Variants in PARVA observed in about 807,000 individuals in gnomAD.
The protein encoded by PARVA is alpha-parvin.
PARVA carries 25 observed loss-of-function variants against 52.6 expected under a neutral mutation model. The observed-to-expected ratio is 0.48, with a 90% CI of 0.35 to 0.66. The LOEUF (loss-of-function observed/expected upper bound fraction) is 0.66. PARVA is among the 30% of genes least tolerant of loss of function. The pLI is 0.01. For synonymous variants in PARVA, 185 were observed against 179.1 expected, an observed-to-expected ratio of 1.03 and a Z score of -0.26; for missense variants, 373 against 450.9, an observed-to-expected ratio of 0.83 and a Z score of 1.56.
At chr11:12,499,355 G>C (rs767298030) in intron 5 of PARVA, among the ~76,000 whole-genome samples, 1 of 151,952 alleles carries the variant, frequency 6.6e-6, no homozygotes. Flanking sequence ...ACACTGTGGC[G>C]CCTCTCCGCT....
chr11:12,389,681 T>C (rs960868563), intron 1 of PARVA, among the ~76,000 whole-genome samples: 2 of 152,204 alleles, frequency 1.3e-5, no homozygotes, highest in African/African-American at 4.8e-5. Flanking sequence ...TTTGGGAACC[T>C]GAGTTTCAGC....
chr11:12,440,302 G>C (rs1444654254), intron 1 of PARVA, among the ~76,000 whole-genome samples: 1 of 152,172 alleles, frequency 6.6e-6, no homozygotes, highest in African/African-American at 2.4e-5. Flanking sequence ...TGTCATCACA[G>C]ATAAGTGTAG....
At chr11:12,485,404 T>C (rs560085957) in intron 4 of PARVA, among the ~76,000 whole-genome samples, 1 of 152,072 alleles carries the variant, frequency 6.6e-6, no homozygotes, top group Admixed American at 6.6e-5. Context: ...AATGGCTAAT[T>C]TTAGACCTGG....
At position 12,532,112 on chromosome 11, in the gene PARVA, C is replaced by T. The variant is rs762377699; in HGVS notation, c.*4187C>T. 2.6e-5 allele frequency among the ~76,000 whole-genome samples: 4 copies of T among 152,154 alleles called. No individual in the cohort carries two copies. The highest frequency in any genetic ancestry group is 2.1e-4 in the South Asian group (1 of 4,832). ...ATGTGAACGTGTGCATGCGTGTTCA[C>T]GTGTTCATGACAACAGCAATGCAGC... is the stretch of plus-strand genomic sequence containing the variant. On this transcript the variant is annotated 3_prime_UTR_variant, in exon 13 of 13. Transcript: ENST00000334956.
intron 12 of PARVA, among the ~76,000 whole-genome samples, chr11:12,519,676 C>A (rs1564869862): frequency 6.6e-6 from 1 of 152,158 alleles, no homozygotes; most frequent in Non-Finnish European, 1.5e-5. Context: ...AGAATGACAG[C>A]ATGAGCAAAA....
intron 1 of PARVA, among the ~76,000 whole-genome samples, chr11:12,453,825 G>T (rs928674386): frequency 6.6e-6 from 1 of 152,094 alleles, no homozygotes; most frequent in South Asian, 2.1e-4. Context: ...GGAATAAAAA[G>T]GGTGGCTCTA....
At chr11:12,415,928 C>G (rs1310786055) in intron 1 of PARVA, among the ~76,000 whole-genome samples, 2 of 152,194 alleles carry the variant, frequency 1.3e-5, no homozygotes, top group Non-Finnish European at 2.9e-5. Flanking sequence ...GGTGAAAAGG[C>G]GTAGCGCCTT....
At chr11:12,390,469 C>T in intron 1 of PARVA, among the ~76,000 whole-genome samples, 1 of 152,194 alleles carries the variant, frequency 6.6e-6, no homozygotes, top group East Asian at 1.9e-4. Flanking sequence ...ATCAAGGAGA[C>T]TCCTCAGAGT....
At chr11:12,377,895 T>A in intron 1 of PARVA, 112 bp downstream of exon 1, 1 of 575,628 alleles carries the variant, frequency 1.7e-6, no homozygotes, top group Non-Finnish European at 2.4e-6. Context: ...CCCGGCGCGG[T>A]GGGGCGCGCG....
At chr11:12,376,812 T>C (rs1189829065), upstream of PARVA, 1 of 689,148 alleles carries the variant, frequency 1.5e-6, no homozygotes, top group Non-Finnish European at 1.8e-6. Context: ...GACTCCCCTG[T>C]TATCTCAAAT....
intron 1 of PARVA, among the ~76,000 whole-genome samples, chr11:12,378,014 C>T (rs1361964606): frequency 6.7e-6 from 1 of 148,908 alleles, no homozygotes; most frequent in Non-Finnish European, 1.5e-5. Flanking sequence ...TCGCGGTCGC[C>T]CGGGCGCTGC....
At chr11:12,474,826 T>G (rs111916277) in intron 3 of PARVA, among the ~76,000 whole-genome samples, 1 of 150,278 alleles carries the variant, frequency 6.7e-6, no homozygotes, top group South Asian at 2.1e-4. Context: ...AGTAGCCAAG[T>G]GTGGTGGCGC....
At chr11:12,518,059 C>T (rs1157299130) in intron 11 of PARVA, among the ~76,000 whole-genome samples, 1 of 152,188 alleles carries the variant, frequency 6.6e-6, no homozygotes, top group African/African-American at 2.4e-5. Flanking sequence ...GTTCTGATGG[C>T]CTCTCGTAGG....
At chr11:12,504,647 T>C (rs1490782170) in intron 6 of PARVA, among the ~76,000 whole-genome samples, 1 of 152,076 alleles carries the variant, frequency 6.6e-6, no homozygotes, top group Non-Finnish European at 1.5e-5. Context: ...TGTGTATAGA[T>C]AGCTTTGTGT....
intron 1 of PARVA, among the ~76,000 whole-genome samples, chr11:12,410,794 T>G (rs932432084): frequency 1.7e-4 from 26 of 152,182 alleles, no homozygotes; most frequent in Admixed American, 1.6e-3. Flanking sequence ...AAGAAAGAAA[T>G]AAATGAAAGT....
At chr11:12,492,639 T>C (rs1941247376) in intron 4 of PARVA, among the ~76,000 whole-genome samples, 1 of 152,166 alleles carries the variant, frequency 6.6e-6, no homozygotes, top group Non-Finnish European at 1.5e-5. Flanking sequence ...TTATTTAAAA[T>C]GTTAGAAAAT....
chr11:12,464,296 T>C (rs570095284), intron 1 of PARVA, among the ~76,000 whole-genome samples: 1 of 152,362 alleles, frequency 6.6e-6, no homozygotes, highest in South Asian at 2.1e-4. Context: ...TACTGATGTC[T>C]CTAACTCCAA....
Position 12,427,259 on chromosome 11 carries a change from G to A in PARVA, c.137-46486G>A, listed in dbSNP as rs933868019. 9.2e-5 allele frequency among the ~76,000 whole-genome samples: 14 copies of A among 152,162 alleles called. 1 individual carries two copies. Among genetic ancestry groups the A allele is most frequent in the African/African-American group, 2.9e-4 (12 of 41,432 alleles). On this transcript the variant is annotated intron_variant, in intron 1 of 12. Transcript: ENST00000334956. Reference sequence around the variant, plus strand: ...CTAACCCAGCTGAAACAGATACTTAGATAGCATGAGATAATGAAATTGGTC... The same window carrying A: ...CTAACCCAGCTGAAACAGATACTTAAATAGCATGAGATAATGAAATTGGTC...
chr11:12,484,949 G>A (rs1321419087), intron 4 of PARVA, among the ~76,000 whole-genome samples: 2 of 152,000 alleles, frequency 1.3e-5, no homozygotes, highest in East Asian at 3.9e-4. Flanking sequence ...AGGTAGCTGG[G>A]ATCACAGGTG....
Sources: gnomAD v4.1 joint callset for allele counts (sites outside exome capture counted in the v4.1 genomes callset) on GRCh38, gnomAD v4.1.1 for gene constraint, MANE v1.5 for transcripts, NCBI Gene and HGNC (gene_info 2026-07-23, HGNC 2026-07-21) for gene names.